The following NCKAP1 variants were observed in gnomAD, a reference collection of about 807,000 sequenced individuals.
NCKAP1 encodes the protein NCK associated protein 1, also known as nck-associated protein 1.
A neutral mutation model predicts 151.2 loss-of-function variants in NCKAP1; 21 were observed. The observed-to-expected ratio is 0.14, with a 90% confidence interval of 0.10 to 0.20. The LOEUF (loss-of-function observed/expected upper bound fraction) is 0.20. NCKAP1 is among the 10% of genes least tolerant of loss of function. NCKAP1 has a pLI of 1.00. For missense variants in NCKAP1, 933 were observed against 1,352.1 expected (o/e 0.69, Z 4.86); for synonymous variants, 484 against 451.8 (o/e 1.07, Z -0.90).
At chr2:182,940,476 G>A (rs1314561236) in intron 24 of NCKAP1, among the ~76,000 whole-genome samples, 2 of 149,848 alleles carry the variant, frequency 1.3e-5, no homozygotes, top group Non-Finnish European at 3.0e-5. Flanking sequence ...TTTTGCTCTT[G>A]TCGCCCAGGC....
At chr2:182,960,083 G>T (rs183012707) in intron 18 of NCKAP1, among the ~76,000 whole-genome samples, 41 of 152,242 alleles carry the variant, frequency 2.7e-4, no homozygotes, top group African/African-American at 9.6e-4. Flanking sequence ...AATAAAAGAG[G>T]ATACAAACAA....
rs1322180005 is a variant in NCKAP1, at chr2:183,014,237, T to A, written c.219+9569A>T. Among the ~76,000 whole-genome samples, 3 of 151,980 alleles carry A rather than the reference T, an allele frequency of 2.0e-5. No individual in the cohort carries two copies. The East Asian group carries it at 5.8e-4, about 29-fold the overall frequency. ...TTTAAATAAATAAATGAATAATCAG[T>A]GGAGAATGTGATGGAAACATACATA... On this transcript the variant is annotated intron_variant, in intron 2 of 30. Transcript: ENST00000361354.
chr2:182,960,108 C>T (rs1256118112), intron 18 of NCKAP1, among the ~76,000 whole-genome samples: 1 of 152,152 alleles, frequency 6.6e-6, no homozygotes, highest in Admixed American at 6.6e-5. Context: ...AAGAACATTC[C>T]ATGCTCATGG....
At chr2:182,981,082 A>G (rs1443143654) in intron 13 of NCKAP1, among the ~76,000 whole-genome samples, 162 bp downstream of exon 13, 2 of 152,208 alleles carry the variant, frequency 1.3e-5, no homozygotes, top group Non-Finnish European at 2.9e-5. Context: ...ATTGGACTAC[A>G]ACTAACTGTT....
In NCKAP1 at chr2:182,913,148, A is replaced by T. The variant is rs1386877439; in HGVS notation, c.*12554T>A. ...ATGTAAAGTCTGTCTCCTCCACTAT[A>T]TTATAAGCTCTGTGACATCAAGGAC... is the stretch of plus-strand genomic sequence containing the variant. On this transcript the variant is annotated 3_prime_UTR_variant, in exon 31 of 31. Transcript: ENST00000361354. The T allele has an allele frequency of 6.6e-6, 1 of 152,190 alleles. No homozygotes were observed. The highest frequency in any genetic ancestry group is 2.4e-5 in the African/African-American group (1 of 41,450). The allele number at this position is 152,190 out of a possible 1,614,324, so 9.4% of individuals were successfully genotyped here. A position where few individuals can be genotyped will look rare whatever the true frequency, so the allele number is the denominator to read the frequency against.
At position 183,037,988 on chromosome 2, in the gene NCKAP1, G is replaced by A; in HGVS notation, c.108+4C>T. On this transcript the variant is annotated splice_donor_region_variant and intron_variant, in intron 1 of 30. Transcript: ENST00000361354. ...CCGCCGCGGCCTCCCCGGCCCGTGC[G>A]CACCTTCTTGATGTTGTAGAGGCGG... The A allele has an allele frequency of 1.9e-6, 3 of 1,576,998 alleles. No homozygotes were observed. The highest frequency in any genetic ancestry group is 1.8e-5 in the Admixed American group (1 of 57,092).
In NCKAP1 at chr2:182,917,764, T is replaced by C. The variant is rs746891921; in HGVS notation, c.*7938A>G. Reference sequence around the variant, plus strand: ...GTAAGTACTGTGTGAGCTTGAGATTTAAAACTAAAACAAATATTTTTAACA... The same window carrying C: ...GTAAGTACTGTGTGAGCTTGAGATTCAAAACTAAAACAAATATTTTTAACA... On this transcript the variant is annotated 3_prime_UTR_variant, in exon 31 of 31. Coordinates refer to ENST00000361354, the MANE Select transcript of NCKAP1 (RefSeq NM_013436.5). 1 of 152,220 alleles carries C rather than the reference T, an allele frequency of 6.6e-6. No homozygotes were observed. The highest frequency in any genetic ancestry group is 1.5e-5 in the Non-Finnish European group (1 of 68,032). 9.4% of individuals were successfully genotyped at this position (152,220 alleles called of 1,614,324 possible).
At chr2:183,032,796 C>T (rs1206553267) in intron 1 of NCKAP1, among the ~76,000 whole-genome samples, 1 of 152,126 alleles carries the variant, frequency 6.6e-6, no homozygotes, top group African/African-American at 2.4e-5. Context: ...CCTGTAATCC[C>T]AGTACTTTGG....
chr2:182,921,755 T>G lies in NCKAP1; in HGVS notation c.*3947A>C, dbSNP rs935427297. 2 of 152,236 alleles carry G rather than the reference T, an allele frequency of 1.3e-5. No individual in the cohort carries two copies. The highest frequency in any genetic ancestry group is 4.8e-5 in the African/African-American group (2 of 41,458). 9.4% of individuals were successfully genotyped at this position (152,236 alleles called of 1,614,324 possible). On this transcript the variant is annotated 3_prime_UTR_variant, in exon 31 of 31. Coordinates refer to ENST00000361354, the MANE Select transcript of NCKAP1 (RefSeq NM_013436.5). ...ACATTCCAGAGTTAGACATGTTTAC[T>G]CTGGACAGTCAAGGACAGCGATGTG...
intron 24 of NCKAP1, among the ~76,000 whole-genome samples, chr2:182,936,074 T>C (rs1016387326): frequency 3.3e-5 from 5 of 151,788 alleles, no homozygotes; most frequent in African/African-American, 9.7e-5. Flanking sequence ...CTGGGCAACA[T>C]AGCAAGACCC....
chr2:182,946,850 T>C (rs1697119154), intron 23 of NCKAP1, among the ~76,000 whole-genome samples: 1 of 151,746 alleles, frequency 6.6e-6, no homozygotes, highest in African/African-American at 2.4e-5. Flanking sequence ...AGAAATTTGA[T>C]TAGCAAGTTC....
rs1260979795 is a variant in NCKAP1, at chr2:182,914,694, GA to G, written c.*11007del. On this transcript the variant is annotated 3_prime_UTR_variant, in exon 31 of 31. Coordinates refer to ENST00000361354, the MANE Select transcript of NCKAP1 (RefSeq NM_013436.5). ...CTATTACTAATTTGAAGAGTAAAAA[GA>G]GTAAAAAGGAACAAATTCCCCTCTA... The G allele has an allele frequency of 6.6e-6, 1 of 152,112 alleles. No homozygotes were observed. The highest frequency in any genetic ancestry group is 1.5e-5 in the Non-Finnish European group (1 of 68,016). The allele number at this position is 152,112 out of a possible 1,614,324, so 9.4% of individuals were successfully genotyped here.
intron 18 of NCKAP1, among the ~76,000 whole-genome samples, chr2:182,961,289 C>T: frequency 6.6e-6 from 1 of 152,100 alleles, no homozygotes; most frequent in Non-Finnish European, 1.5e-5. Context: ...ACACGTATGT[C>T]TATTGCAGCA....
intron 1 of NCKAP1, 27 bp downstream of exon 1, chr2:183,037,965 G>C (rs752535730): frequency 1.0e-5 from 16 of 1,548,740 alleles, no homozygotes; most frequent in Non-Finnish European, 1.3e-5. Context: ...GCCCGCCTCC[G>C]CCGCGGCCTC....
In NCKAP1 at chr2:182,915,090, T is replaced by C. The variant is rs1696446736; in HGVS notation, c.*10612A>G. On this transcript the variant is annotated 3_prime_UTR_variant, in exon 31 of 31. Coordinates refer to ENST00000361354, the MANE Select transcript of NCKAP1 (RefSeq NM_013436.5). ...CTCTCACACAGACAGGCAGTGAAACTCATGCTGAGGACTCATCTTCTGTAC... is the reference window on the plus strand; with the variant it reads ...CTCTCACACAGACAGGCAGTGAAACCCATGCTGAGGACTCATCTTCTGTAC... The C allele has an allele frequency of 6.6e-6, 1 of 152,162 alleles. No homozygotes were observed. The allele number at this position is 152,162 out of a possible 1,614,324, so 9.4% of individuals were successfully genotyped here.
At chr2:183,009,251 TGTG>T (rs1365730679) in intron 2 of NCKAP1, among the ~76,000 whole-genome samples, 1 of 151,914 alleles carries the variant, frequency 6.6e-6, no homozygotes. Flanking sequence ...GTTAGCCACC[TGTG>T]GTCCCAGCTA....
intron 15 of NCKAP1, among the ~76,000 whole-genome samples, chr2:182,972,531 T>C (rs570886666): frequency 5.3e-5 from 8 of 152,220 alleles, no homozygotes; most frequent in African/African-American, 1.7e-4. Flanking sequence ...CCTCAAAAAT[T>C]TGAAAATAGA....
chr2:182,944,963 G>A lies in NCKAP1; in HGVS notation c.2602-2800C>T, dbSNP rs111320413. On this transcript the variant is annotated intron_variant, in intron 23 of 30. Coordinates refer to ENST00000361354, the MANE Select transcript of NCKAP1 (RefSeq NM_013436.5). ...CAAAAAACTTTAAAAGGCTGGGCGT[G>A]GTGGCTCACACCTGTAATCTCAGCA... Among the ~76,000 whole-genome samples the A allele has an allele frequency of 8.6e-3, 1,301 of 152,082 alleles. 18 individuals carry two copies. The highest frequency in any genetic ancestry group is 0.03 in the African/African-American group (1,238 of 41,490).
At chr2:182,955,259 C>T (rs1697301295) in intron 20 of NCKAP1, among the ~76,000 whole-genome samples, 1 of 152,168 alleles carries the variant, frequency 6.6e-6, no homozygotes, top group Non-Finnish European at 1.5e-5. Flanking sequence ...GTACTTAACA[C>T]ATTGTTAAGC....
Sources: gnomAD v4.1 joint callset for allele counts (sites outside exome capture counted in the v4.1 genomes callset) on GRCh38, gnomAD v4.1.1 for gene constraint, MANE v1.5 for transcripts, NCBI Gene and HGNC (gene_info 2026-07-23, HGNC 2026-07-21) for gene names.